Variants in TENT5D observed in about 807,000 individuals in gnomAD.
TENT5D encodes cancer/testis antigen 112.
For missense variants in TENT5D, 191 were observed against 287.0 expected (o/e 0.67, Z 2.42); for synonymous variants, 103 against 100.6 (o/e 1.02, Z -0.15).
chrX:80,432,816 GT>G (rs761747752), intron 1 of TENT5D, among the ~76,000 whole-genome samples: 5 of 110,851 alleles, frequency 4.5e-5, no homozygotes, highest in Admixed American at 3.8e-4. Context: ...GCCCAAATTG[GT>G]TGCCCACCAT....
At chrX:80,397,498 C>A (rs1931298979) in intron 3 of TENT5D, among the ~76,000 whole-genome samples, 1 of 111,221 alleles carries the variant, frequency 9.0e-6, no homozygotes, top group Admixed American at 9.4e-5. Flanking sequence ...GGCGGCCAGG[C>A]AGAGACGCTC....
At chrX:80,379,166 A>T (rs902225283) in intron 3 of TENT5D, among the ~76,000 whole-genome samples, 1 of 105,099 alleles carries the variant, frequency 9.5e-6, no homozygotes, top group Non-Finnish European at 2.0e-5. Context: ...CCTTTTCTGC[A>T]TTCTATTCTG....
chrX:80,400,256 C>A (rs1178769831), intron 3 of TENT5D, among the ~76,000 whole-genome samples: 3 of 111,804 alleles, frequency 2.7e-5, no homozygotes, highest in African/African-American at 9.8e-5. Flanking sequence ...AAGAGCGAAC[C>A]ATTTGCCTTC....
chrX:80,379,950 C>T (rs763488198), intron 3 of TENT5D, among the ~76,000 whole-genome samples: 2 of 107,230 alleles, frequency 1.9e-5, no homozygotes, highest in African/African-American at 6.8e-5. Context: ...TTTTGTATCT[C>T]TTTCTCCTTC....
chrX:80,412,986 A>C (rs2147554994), intron 3 of TENT5D, among the ~76,000 whole-genome samples: 1 of 110,889 alleles, frequency 9.0e-6, no homozygotes, highest in South Asian at 3.8e-4. Context: ...TGTTTTCATT[A>C]ACCAACCAAT....
At chrX:80,366,511 T>G (rs1032373236) in intron 3 of TENT5D, among the ~76,000 whole-genome samples, 2 of 111,509 alleles carry the variant, frequency 1.8e-5, no homozygotes, top group Non-Finnish European at 3.8e-5. Context: ...TTTTTGTAAT[T>G]TTCCCTTTTC....
intron 1 of TENT5D, among the ~76,000 whole-genome samples, chrX:80,424,589 G>T (rs1931953155): frequency 8.9e-6 from 1 of 112,231 alleles, no homozygotes; most frequent in Admixed American, 9.5e-5. Flanking sequence ...TAAAATGTAG[G>T]TAGGCAAGAA....
At chrX:80,353,928 T>C (rs181622702) in intron 3 of TENT5D, among the ~76,000 whole-genome samples, 1 of 112,170 alleles carries the variant, frequency 8.9e-6, no homozygotes, top group African/African-American at 3.2e-5. Context: ...TTCCACAGCT[T>C]TGGCAGAATG....
chrX:80,347,990 T>C (rs1481446785), intron 3 of TENT5D, among the ~76,000 whole-genome samples: 2 of 111,466 alleles, frequency 1.8e-5, no homozygotes, highest in Non-Finnish European at 3.8e-5. Flanking sequence ...TGTAGATGTG[T>C]GGTGTTATTT....
At position 80,435,792 on chromosome X, in the gene TENT5D, T is replaced by C. The variant is rs148287149; in HGVS notation, c.-141-2818T>C. ...TACAGTTGGACTCTAAACACATATT[T>C]AGTTCTTTCTTTTGTAAGCAAAACT... On this transcript the variant is annotated intron_variant, in intron 1 of 2. Transcript: ENST00000308293. 7.5e-3 allele frequency among the ~76,000 whole-genome samples: 841 copies of C among 112,623 alleles called. 7 individuals are homozygous for C. Among genetic ancestry groups the C allele is most frequent in the African/African-American group, 0.026 (802 of 31,118 alleles).
chrX:80,432,496 G>A (rs748640181), intron 1 of TENT5D, among the ~76,000 whole-genome samples: 3 of 111,959 alleles, frequency 2.7e-5, no homozygotes, highest in East Asian at 5.7e-4. Flanking sequence ...TGGCCGAAAG[G>A]AACCCACTGT....
At chrX:80,442,238 C>G (rs1200823386) in intron 2 of TENT5D, among the ~76,000 whole-genome samples, 2 of 110,825 alleles carry the variant, frequency 1.8e-5, no homozygotes, top group East Asian at 5.7e-4. Flanking sequence ...TTACATGAAG[C>G]AAGATTAAAA....
At chrX:80,340,783 A>G (rs185399193) in intron 2 of TENT5D, among the ~76,000 whole-genome samples, 2 of 111,692 alleles carry the variant, frequency 1.8e-5, no homozygotes, top group East Asian at 2.8e-4. Context: ...TGACAGCCCA[A>G]AATGTCTCCA....
At chrX:80,382,605 CTGCA>C (rs1930890589) in intron 3 of TENT5D, among the ~76,000 whole-genome samples, 1 of 106,181 alleles carries the variant, frequency 9.4e-6, no homozygotes, top group East Asian at 3.6e-4. Flanking sequence ...GAGGAGGGGT[CTGCA>C]GAGGCAGGCA....
intron 2 of TENT5D, among the ~76,000 whole-genome samples, chrX:80,338,501 AT>A (rs1026447442): frequency 2.7e-5 from 3 of 112,306 alleles, no homozygotes; most frequent in Admixed American, 9.4e-5. Flanking sequence ...AAATTGAGTA[AT>A]TTTTTTATGA....
chrX:80,396,549 G>A (rs984952699), intron 3 of TENT5D, among the ~76,000 whole-genome samples: 6 of 110,636 alleles, frequency 5.4e-5, no homozygotes, highest in Non-Finnish European at 3.8e-5. Flanking sequence ...ATTTAACCCT[G>A]AGTGGACACA....
intron 3 of TENT5D, among the ~76,000 whole-genome samples, chrX:80,350,261 A>G (rs771246085): frequency 1.2e-3 from 131 of 111,039 alleles, no homozygotes; most frequent in Non-Finnish European, 2.1e-3. Context: ...AAAGTCTCCC[A>G]CTATTATTGT....
intron 3 of TENT5D, among the ~76,000 whole-genome samples, chrX:80,404,048 T>C (rs1931437020): frequency 9.0e-6 from 1 of 111,466 alleles, no homozygotes; most frequent in Non-Finnish European, 1.9e-5. Context: ...GACAGAAAGA[T>C]TGCATTCTTT....
intron 3 of TENT5D, among the ~76,000 whole-genome samples, chrX:80,365,568 C>T (rs1314920710): frequency 2.7e-5 from 3 of 111,232 alleles, no homozygotes; most frequent in Non-Finnish European, 5.6e-5. Context: ...AGGCCAAGCT[C>T]GGTGGCTTAT....
Sources: gnomAD v4.1 joint callset for allele counts (sites outside exome capture counted in the v4.1 genomes callset) on GRCh38, gnomAD v4.1.1 for gene constraint, MANE v1.5 for transcripts, NCBI Gene and HGNC (gene_info 2026-07-23, HGNC 2026-07-21) for gene names.